ATP9B: variants seen among roughly 807,000 people sequenced by gnomAD.
ATP9B encodes probable phospholipid-transporting ATPase IIB.
In ATP9B, 110 loss-of-function variants were observed where a neutral mutation model predicts 146.1. The ratio of observed to expected loss-of-function variants is 0.75; its 90% confidence interval spans 0.65 to 0.88. The LOEUF is 0.88. Among genes scored for constraint, ATP9B ranks in the 40% least tolerant of loss-of-function variants. ATP9B has a pLI of 0.00. For synonymous variants in ATP9B, 604 were observed against 569.7 expected, an observed-to-expected ratio of 1.06 and a Z score of -0.86; for missense variants, 1,499 against 1,496.4, an observed-to-expected ratio of 1.00 and a Z score of -0.03.
chr18:79,361,255 A>G (rs538590389), intron 26 of ATP9B: 1 of 152,154 alleles, frequency 6.6e-6, no homozygotes, highest in East Asian at 1.9e-4. Context: ...AAGGATTTAG[A>G]TTGTACGCAC....
chr18:79,072,625 C>T (rs1344316480), intron 1 of ATP9B, among the ~76,000 whole-genome samples: 7 of 152,218 alleles, frequency 4.6e-5, no homozygotes, highest in South Asian at 2.1e-4. Context: ...TCGACAAAAC[C>T]GCCATCGTCA....
chr18:79,375,828 T>C (rs2097098951), intron 29 of ATP9B: 1 of 985,456 alleles, frequency 1.0e-6, no homozygotes, highest in Non-Finnish European at 1.2e-6. Flanking sequence ...TCATTTATTT[T>C]ACAAAGGCCT....
intron 12 of ATP9B, among the ~76,000 whole-genome samples, chr18:79,262,738 A>G (rs894595512): frequency 9.9e-5 from 15 of 152,232 alleles, no homozygotes; most frequent in Admixed American, 2.0e-4. Flanking sequence ...CTGAGGGTCC[A>G]GCGTGGCTGC....
chr18:79,222,374 A>G (rs1471134629), intron 11 of ATP9B, among the ~76,000 whole-genome samples: 5 of 151,696 alleles, frequency 3.3e-5, no homozygotes, highest in Non-Finnish European at 5.9e-5. Context: ...AAAAAAAGAC[A>G]CTTTGGCTGC....
intron 12 of ATP9B, among the ~76,000 whole-genome samples, chr18:79,256,268 T>C (rs1449186786): frequency 3.8e-5 from 5 of 130,104 alleles, no homozygotes; most frequent in East Asian, 4.0e-4. Context: ...TATATATATA[T>C]ATATATATAT....
At chr18:79,206,847 G>T in intron 9 of ATP9B, 90 bp from the exon 10 acceptor site, 3 of 1,204,770 alleles carry the variant, frequency 2.5e-6, no homozygotes, top group East Asian at 4.7e-5. Context: ...GATTGAGCTT[G>T]TGGACCTGTT....
intron 8 of ATP9B, among the ~76,000 whole-genome samples, 169 bp downstream of exon 8, chr18:79,177,076 G>T (rs1038046747): frequency 2.0e-5 from 3 of 152,150 alleles, no homozygotes; most frequent in Non-Finnish European, 1.5e-5. Context: ...AATAATTTCT[G>T]TGATGTCTTA....
At chr18:79,083,911 G>A (rs546906502) in intron 1 of ATP9B, among the ~76,000 whole-genome samples, 8 of 148,212 alleles carry the variant, frequency 5.4e-5, no homozygotes, top group Non-Finnish European at 1.0e-4. Context: ...TTGCTAGGCT[G>A]GAGTGCAGTG....
chr18:79,241,673 C>T (rs993948329), intron 11 of ATP9B, among the ~76,000 whole-genome samples: 7 of 152,220 alleles, frequency 4.6e-5, no homozygotes, highest in Non-Finnish European at 1.0e-4. Flanking sequence ...CATTATGCAG[C>T]ATGCCTGTTT....
intron 25 of ATP9B, 52 bp downstream of exon 25, chr18:79,348,248 G>GAAA (rs56654324): frequency 6.9e-5 from 57 of 827,658 alleles, no homozygotes; most frequent in East Asian, 9.1e-5. Context: ...CTTCTATTTT[G>GAAA]AAAAAAAAAA....
intron 11 of ATP9B, among the ~76,000 whole-genome samples, chr18:79,219,286 G>C (rs1272480876): frequency 2.0e-5 from 3 of 152,136 alleles, no homozygotes; most frequent in Non-Finnish European, 4.4e-5. Context: ...CAGGGTGAGG[G>C]AGAGGGAATT....
chr18:79,187,321 G>C (rs2095316680), intron 8 of ATP9B, among the ~76,000 whole-genome samples: 1 of 152,182 alleles, frequency 6.6e-6, no homozygotes, highest in Non-Finnish European at 1.5e-5. Context: ...GGGCAACTTT[G>C]TCATCTCTGA....
intron 7 of ATP9B, among the ~76,000 whole-genome samples, chr18:79,175,859 C>T (rs1301528989): frequency 6.6e-6 from 1 of 152,224 alleles, no homozygotes; most frequent in Non-Finnish European, 1.5e-5. Flanking sequence ...CACAGATACA[C>T]ACATAGATAC....
At chr18:79,344,478 C>G (rs1343974833) in intron 21 of ATP9B, 124 bp downstream of exon 21, 1 of 843,976 alleles carries the variant, frequency 1.2e-6, no homozygotes, top group Non-Finnish European at 2.0e-6. Flanking sequence ...GTCTGTCTGT[C>G]TGTCTGTCTG....
intron 8 of ATP9B, among the ~76,000 whole-genome samples, chr18:79,185,179 C>G (rs908399430): frequency 2.0e-5 from 3 of 152,054 alleles, no homozygotes; most frequent in Non-Finnish European, 2.9e-5. Flanking sequence ...CACAGGCATA[C>G]ACATATATCA....
chr18:79,164,862 C>A (rs753610008), intron 7 of ATP9B, among the ~76,000 whole-genome samples: 7 of 152,078 alleles, frequency 4.6e-5, no homozygotes, highest in Non-Finnish European at 1.0e-4. Context: ...TAAGAGACCA[C>A]AAGAATGCTC....
At chr18:79,113,634 G>T (rs894545007) in intron 4 of ATP9B, among the ~76,000 whole-genome samples, 1 of 152,178 alleles carries the variant, frequency 6.6e-6, no homozygotes, top group African/African-American at 2.4e-5. Flanking sequence ...TGTTAAGGTT[G>T]CAGGTCATCA....
intron 26 of ATP9B, among the ~76,000 whole-genome samples, chr18:79,364,745 G>A (rs1209640814): frequency 6.6e-6 from 1 of 152,176 alleles, no homozygotes; most frequent in Non-Finnish European, 1.5e-5. Context: ...TTTTGGCCAG[G>A]TGCAGTGGCT....
At chr18:79,160,872 A>G (rs897858774) in intron 7 of ATP9B, among the ~76,000 whole-genome samples, 1 of 152,102 alleles carries the variant, frequency 6.6e-6, no homozygotes, top group Non-Finnish European at 1.5e-5. Context: ...CCTGGGTTCC[A>G]GCGATTCTCC....
Sources: allele counts gnomAD v4.1 joint callset (sites outside exome capture counted in the v4.1 genomes callset), GRCh38; gene constraint gnomAD v4.1.1; transcripts MANE v1.5; gene names NCBI Gene and HGNC (gene_info 2026-07-23, HGNC 2026-07-21).